The following CFAP77 variants were observed in gnomAD, a reference collection of about 807,000 sequenced individuals.
CFAP77 encodes cilia and flagella associated protein 77, also known as cilia- and flagella-associated protein 77.
CFAP77 carries 25 observed loss-of-function variants against 31.1 expected under a neutral mutation model. The observed-to-expected ratio is 0.80, with a 90% confidence interval of 0.59 to 1.12. CFAP77 has a LOEUF of 1.12. Ranked by LOEUF, CFAP77 falls within the 50% of genes most tolerant of loss-of-function variation. CFAP77 has a pLI of 0.00. For synonymous variants in CFAP77, 151 were observed against 159.9 expected (o/e 0.94, Z 0.42); for missense variants, 377 against 397.3 (o/e 0.95, Z 0.44).
chr9:132,561,676 C>G (rs1453289656), intron 5 of CFAP77, among the ~76,000 whole-genome samples: 1 of 149,242 alleles, frequency 6.7e-6, no homozygotes, highest in Non-Finnish European at 1.5e-5. Context: ...CTCCATGTGT[C>G]TCTGGGATGG....
At chr9:132,458,342 C>CGT (rs145223432) in intron 1 of CFAP77, among the ~76,000 whole-genome samples, 4 of 71,230 alleles carry the variant, frequency 5.6e-5, no homozygotes, top group Non-Finnish European at 8.6e-5. Flanking sequence ...GTCTCCCTGG[C>CGT]GGGGGAGGGG....
intron 3 of CFAP77, among the ~76,000 whole-genome samples, chr9:132,510,232 G>T (rs1257520279): frequency 6.6e-6 from 1 of 152,226 alleles, no homozygotes; most frequent in Admixed American, 6.5e-5. Context: ...GAGCCTCCCA[G>T]GTTGCATCGC....
At chr9:132,515,559 A>C (rs1852130806) in intron 3 of CFAP77, among the ~76,000 whole-genome samples, 2 of 152,234 alleles carry the variant, frequency 1.3e-5, no homozygotes, top group African/African-American at 4.8e-5. Flanking sequence ...TCTTGGGCCC[A>C]GGCACGGGGC....
chr9:132,433,549 CATTTT>C (rs1321437664), intron 1 of CFAP77, among the ~76,000 whole-genome samples: 24 of 110,820 alleles, frequency 2.2e-4, no homozygotes, highest in Non-Finnish European at 2.7e-4. Context: ...GCTATTCATT[CATTTT>C]TTTTTTTTTT....
At chr9:132,416,731 GGGTT>G (rs1850108187) in intron 1 of CFAP77, among the ~76,000 whole-genome samples, 1 of 150,110 alleles carries the variant, frequency 6.7e-6, no homozygotes, top group Non-Finnish European at 1.5e-5. Flanking sequence ...TTCGCCTCCT[GGGTT>G]CAAGTGATTC....
intron 1 of CFAP77, among the ~76,000 whole-genome samples, chr9:132,467,034 C>T (rs971344889): frequency 3.3e-5 from 5 of 152,048 alleles, no homozygotes; most frequent in Non-Finnish European, 5.9e-5. Flanking sequence ...AAAAATTAGC[C>T]AGGCGTGGTG....
intron 1 of CFAP77, among the ~76,000 whole-genome samples, chr9:132,470,838 A>G (rs954636533): frequency 4.6e-5 from 7 of 152,164 alleles, no homozygotes; most frequent in Non-Finnish European, 8.8e-5. Flanking sequence ...GTGAAACCCC[A>G]TCTCAACTAA....
At chr9:132,421,989 TAAGACAGCCTTA>T (rs1850223933) in intron 1 of CFAP77, among the ~76,000 whole-genome samples, 1 of 151,976 alleles carries the variant, frequency 6.6e-6, no homozygotes, top group African/African-American at 2.4e-5. Flanking sequence ...CCTCAGTGGA[TAAGACAGCCTTA>T]GTCCCAGGTG....
chr9:132,435,028 C>A (rs563521), intron 1 of CFAP77, among the ~76,000 whole-genome samples: 80,368 of 152,100 alleles, frequency 0.53, 23,389 homozygotes, highest in African/African-American at 0.78. Context: ...TAGAGAAAGA[C>A]CATTGTTCAA....
chr9:132,547,207 T>C (rs1275548110), intron 5 of CFAP77, among the ~76,000 whole-genome samples: 1 of 152,176 alleles, frequency 6.6e-6, no homozygotes, highest in Non-Finnish European at 1.5e-5. Flanking sequence ...ATGTGGTACA[T>C]CTGTGTGCAC....
chr9:132,519,250 A>AGGTGGATGGATGAGTGAGTGGGTG (rs1387411589), intron 3 of CFAP77, among the ~76,000 whole-genome samples: 1 of 51,352 alleles, frequency 1.9e-5, no homozygotes, highest in Non-Finnish European at 3.8e-5. Flanking sequence ...ATGGATGGAT[A>AGGTGGATGGATGAGTGAGTGGGTG]GGTGGATGGA....
chr9:132,465,441 G>A (rs112538340), intron 1 of CFAP77, among the ~76,000 whole-genome samples: 104 of 152,306 alleles, frequency 6.8e-4, no homozygotes, highest in Admixed American at 1.4e-3. Context: ...GATACAGCCA[G>A]GAAAAGGCAC....
intron 1 of CFAP77, among the ~76,000 whole-genome samples, chr9:132,458,342 C>CGTG (rs145223432): frequency 0.35 from 24,594 of 70,128 alleles, 2,948 homozygotes; most frequent in East Asian, 0.48. Flanking sequence ...GTCTCCCTGG[C>CGTG]GGGGGAGGGG....
chr9:132,456,305 C>T (rs2131719770), intron 1 of CFAP77, among the ~76,000 whole-genome samples: 1 of 152,334 alleles, frequency 6.6e-6, no homozygotes, highest in East Asian at 1.9e-4. Context: ...ATCTTGACAT[C>T]TGCTGCCCCT....
intron 1 of CFAP77, among the ~76,000 whole-genome samples, chr9:132,464,372 C>A (rs982391878): frequency 3.9e-5 from 6 of 151,922 alleles, no homozygotes; most frequent in South Asian, 2.1e-4. Context: ...AAAAAAAAAA[C>A]CGGACGAGGC....
intron 1 of CFAP77, among the ~76,000 whole-genome samples, chr9:132,447,051 G>T (rs1850736298): frequency 6.6e-6 from 1 of 152,114 alleles, no homozygotes; most frequent in Admixed American, 6.5e-5. Context: ...CACTGGGCCT[G>T]CCCAGTTCTC....
At chr9:132,485,964 G>A (rs1333610899) in intron 1 of CFAP77, among the ~76,000 whole-genome samples, 1 of 120,854 alleles carries the variant, frequency 8.3e-6, no homozygotes, top group African/African-American at 3.3e-5. Flanking sequence ...TCCAGGTGCT[G>A]GGATTTGAGA....
chr9:132,481,560 GC>G lies in CFAP77; in HGVS notation c.196-17134del, dbSNP rs1489942042. Among the ~76,000 whole-genome samples the G allele has an allele frequency of 6.6e-6, 1 of 152,178 alleles. No homozygotes were observed. The highest frequency in any genetic ancestry group is 1.5e-5 in the Non-Finnish European group (1 of 68,036). On this transcript the variant is annotated intron_variant, in intron 1 of 5. Coordinates refer to ENST00000393216, the MANE Select transcript of CFAP77 (RefSeq NM_001282957.2). This position sits in a 1 kb window ranked among gnomAD's most constrained non-coding sequence, Gnocchi z 5.0. The stretch of plus-strand genomic sequence containing the variant: ...CTCCTGCTAGAGGAGGAGAAGCATT[GC>G]TGCTGAGGCCTCTGCATCATCTGCC...
At chr9:132,524,931 A>T (rs546620036) in intron 3 of CFAP77, among the ~76,000 whole-genome samples, 18 of 149,216 alleles carry the variant, frequency 1.2e-4, no homozygotes, top group African/African-American at 4.4e-4. Flanking sequence ...TACAGGCGTG[A>T]GCCACTGTAC....
Sources: allele counts gnomAD v4.1 joint callset (sites outside exome capture counted in the v4.1 genomes callset), GRCh38; gene constraint gnomAD v4.1.1; non-coding constraint Gnocchi (gnomAD v3.1); transcripts MANE v1.5; gene names NCBI Gene and HGNC (gene_info 2026-07-23, HGNC 2026-07-21).